The following NXN variants were observed in gnomAD, a reference collection of about 807,000 sequenced individuals.
The protein encoded by NXN is nucleoredoxin.
NXN carries 16 observed loss-of-function variants against 48.6 expected under a neutral mutation model. That is an observed-to-expected ratio of 0.33 (90% CI 0.22 to 0.50). The LOEUF is 0.50. NXN is among the 20% of genes least tolerant of loss of function. NXN has a pLI of 0.98. For missense variants in NXN, 492 were observed against 605.5 expected (o/e 0.81, Z 1.97); for synonymous variants, 281 against 269.6 (o/e 1.04, Z -0.41).
At chr17:841,992 C>T (rs865812008) in intron 1 of NXN, among the ~76,000 whole-genome samples, 2 of 152,002 alleles carry the variant, frequency 1.3e-5, no homozygotes, top group Non-Finnish European at 2.9e-5. Flanking sequence ...AAAAATGAGC[C>T]GGGTGTGGTG....
intron 5 of NXN, among the ~76,000 whole-genome samples, chr17:812,922 G>C (rs1212814724): frequency 6.6e-6 from 1 of 150,900 alleles, no homozygotes; most frequent in Non-Finnish European, 1.5e-5. Flanking sequence ...CTGTAGGTGT[G>C]TGCGTGTGTG....
chr17:916,029 G>A (rs890579115), intron 1 of NXN, among the ~76,000 whole-genome samples: 7 of 152,190 alleles, frequency 4.6e-5, no homozygotes, highest in Non-Finnish European at 8.8e-5. Flanking sequence ...TAAAAACACT[G>A]AAGCTCTTAA....
At position 821,033 on chromosome 17, in the gene NXN, C is replaced by T. The variant is rs1210886174; in HGVS notation, c.713+1324G>A. Among the ~76,000 whole-genome samples, 13 of 69,896 alleles carry T rather than the reference C, an allele frequency of 1.9e-4. 5 individuals are homozygous for T. The highest frequency in any genetic ancestry group is 5.5e-4 in the Admixed American group (4 of 7,332). 45.9% of individuals were successfully genotyped at this position (69,896 alleles called of 152,430 possible). A position where few individuals can be genotyped will look rare whatever the true frequency, so the allele number is the denominator to read the frequency against. The stretch of plus-strand genomic sequence containing the variant: ...GACGGGAGCTGTGGCATGGCAGAGA[C>T]GGGGAGCTGCGGCACGGCAGAGACG... On this transcript the variant is annotated intron_variant, in intron 4 of 7. Coordinates refer to ENST00000336868, the MANE Select transcript of NXN (RefSeq NM_022463.5).
At position 920,688 on chromosome 17, in the gene NXN, A is replaced by G. The variant is rs1188236601; in HGVS notation, c.360+58631T>C. On this transcript the variant is annotated intron_variant, in intron 1 of 7. Transcript: ENST00000336868. This position sits in a 1 kb window ranked among gnomAD's most constrained non-coding sequence, Gnocchi z 4.6. ...CATACCGCCTTGCCAATCGCCCTCA[A>G]AATCACCTGGAAGATTCCACCGTTC... Among the ~76,000 whole-genome samples the G allele has an allele frequency of 1.3e-5, 2 of 151,226 alleles. No individual in the cohort carries two copies. The highest frequency in any genetic ancestry group is 4.9e-5 in the African/African-American group (2 of 41,166).
chr17:897,047 T>C (rs999254648), intron 1 of NXN: 4 of 1,078,416 alleles, frequency 3.7e-6, no homozygotes, highest in Non-Finnish European at 3.4e-6. Flanking sequence ...ACAGCGTCAC[T>C]GTCACACACG....
At chr17:933,693 G>C (rs752381374) in intron 1 of NXN, among the ~76,000 whole-genome samples, 1 of 151,928 alleles carries the variant, frequency 6.6e-6, no homozygotes, top group Non-Finnish European at 1.5e-5. Flanking sequence ...AATGCAATAA[G>C]AACACATTCA....
At chr17:918,654 G>A (rs915361811) in intron 1 of NXN, among the ~76,000 whole-genome samples, 10 of 151,916 alleles carry the variant, frequency 6.6e-5, no homozygotes, top group Admixed American at 1.3e-4. Context: ...TTATCCAGGC[G>A]CGGTGGTGGG....
rs547024230 is a variant in NXN at position 863,279 on chromosome 17, T to C, written c.361-37201A>G. On this transcript the variant is annotated intron_variant, in intron 1 of 7. Transcript: ENST00000336868. ...TCCACCTGGGTTCAAGTGATTCTCC[T>C]ACCTCAGCCTCCTGAGTAGCTGGAA... Among the ~76,000 whole-genome samples, 4 of 152,304 alleles carry C rather than the reference T, an allele frequency of 2.6e-5. No individual in the cohort carries two copies. The South Asian group carries it at 6.2e-4, about 24-fold the overall frequency.
intron 1 of NXN, among the ~76,000 whole-genome samples, chr17:940,028 G>A (rs2068953478): frequency 6.6e-6 from 1 of 151,708 alleles, no homozygotes; most frequent in African/African-American, 2.4e-5. Flanking sequence ...CAAACTGCCG[G>A]GATCAAGTGA....
chr17:935,197 T>C (rs775099459), intron 1 of NXN, among the ~76,000 whole-genome samples: 2 of 152,076 alleles, frequency 1.3e-5, no homozygotes, highest in African/African-American at 2.4e-5. Flanking sequence ...TTTTACCATG[T>C]TGGCCAGGAT....
intron 1 of NXN, among the ~76,000 whole-genome samples, chr17:942,975 G>A (rs546572732): frequency 1.8e-5 from 2 of 112,460 alleles, no homozygotes; most frequent in Admixed American, 9.8e-5. Context: ...ATTCCAGGGT[G>A]CAGCCATGAA....
intron 1 of NXN, among the ~76,000 whole-genome samples, chr17:833,278 C>T (rs558754280): frequency 1.3e-4 from 20 of 152,146 alleles, no homozygotes; most frequent in South Asian, 2.1e-4. Flanking sequence ...CATCTGTGGG[C>T]GCCTCAGGCC....
intron 1 of NXN, among the ~76,000 whole-genome samples, chr17:951,218 C>T (rs1457561413): frequency 7.3e-6 from 1 of 137,506 alleles, no homozygotes; most frequent in African/African-American, 2.7e-5. Flanking sequence ...GGCGTGGTAG[C>T]GGGCGCCTGT....
At chr17:820,639 T>C (rs1363686695) in intron 4 of NXN, among the ~76,000 whole-genome samples, 1 of 58,934 alleles carries the variant, frequency 1.7e-5, no homozygotes. Context: ...AAAAAGTGAT[T>C]GTGGCCAGAC....
chr17:878,818 C>A (rs968304258), intron 1 of NXN, among the ~76,000 whole-genome samples: 1 of 152,084 alleles, frequency 6.6e-6, no homozygotes, highest in African/African-American at 2.4e-5. Context: ...TAAAAAAACA[C>A]GCAGAGCCAG....
In NXN at chr17:932,445, C is replaced by T. The variant is rs2068864460; in HGVS notation, c.360+46874G>A. On this transcript the variant is annotated intron_variant, in intron 1 of 7. Coordinates refer to ENST00000336868, the MANE Select transcript of NXN (RefSeq NM_022463.5). The surrounding 1 kb of genome is among the most constrained non-coding windows in gnomAD (Gnocchi z 4.1). ...TTAACCAGTCCTTCTGGTTATTCAT[C>T]AGTTTGGAAACCGCAGGTCTTCAGC... Among the ~76,000 whole-genome samples, 1 of 152,230 alleles carries T rather than the reference C, an allele frequency of 6.6e-6. No homozygotes were observed. The highest frequency in any genetic ancestry group is 1.5e-5 in the Non-Finnish European group (1 of 68,036).
chr17:929,160 C>T (rs1422425210), intron 1 of NXN, among the ~76,000 whole-genome samples: 2 of 152,214 alleles, frequency 1.3e-5, no homozygotes, highest in African/African-American at 4.8e-5. Context: ...GAGCTGGCAA[C>T]GTCGGCCTTC....
chr17:949,990 C>G (rs1303525365), intron 1 of NXN, among the ~76,000 whole-genome samples: 2 of 151,996 alleles, frequency 1.3e-5, no homozygotes, highest in East Asian at 3.9e-4. Context: ...TCCTTGGAGC[C>G]AAAACAATTA....
At chr17:816,912 C>T (rs1320650011) in intron 5 of NXN, among the ~76,000 whole-genome samples, 4 of 152,172 alleles carry the variant, frequency 2.6e-5, no homozygotes, top group Non-Finnish European at 4.4e-5. Flanking sequence ...CCCCCAGGCA[C>T]GGGCACCTTA....
Sources: gnomAD v4.1 joint callset for allele counts (sites outside exome capture counted in the v4.1 genomes callset) on GRCh38, gnomAD v4.1.1 for gene constraint, Gnocchi (gnomAD v3.1) non-coding constraint, MANE v1.5 for transcripts, NCBI Gene and HGNC (gene_info 2026-07-23, HGNC 2026-07-21) for gene names.